Variants in DTX3L observed in about 807,000 individuals in gnomAD.
The protein encoded by DTX3L is E3 ubiquitin-protein ligase DTX3L.
A neutral mutation model predicts 60.9 loss-of-function variants in DTX3L; 34 were observed. The ratio of observed to expected loss-of-function variants is 0.56; its 90% CI spans 0.42 to 0.74. The LOEUF (loss-of-function observed/expected upper bound fraction) is 0.74, where lower values mean the gene tolerates loss of function less well. DTX3L is among the 30% of genes least tolerant of loss of function. The probability of loss-of-function intolerance (pLI) is 0.00; values close to 1 mark genes in which losing one functional copy is unlikely to be tolerated. For synonymous variants in DTX3L, 290 were observed against 316.6 expected, an observed-to-expected ratio of 0.92 and a Z score of 0.89; for missense variants, 810 against 874.0, an observed-to-expected ratio of 0.93 and a Z score of 0.92.
chr3:122,567,213 A>G (rs948103909), intron 2 of DTX3L, among the ~76,000 whole-genome samples: 1 of 152,168 alleles, frequency 6.6e-6, no homozygotes, highest in Non-Finnish European at 1.5e-5. Context: ...TTTTTAACTT[A>G]AAATGTTAGG....
At chr3:122,567,084 C>T (rs2080597894) in intron 2 of DTX3L, among the ~76,000 whole-genome samples, 1 of 151,926 alleles carries the variant, frequency 6.6e-6, no homozygotes, top group Admixed American at 6.6e-5. Flanking sequence ...ATTTTGAGGC[C>T]CAGAAGCTTT....
chr3:122,569,710 C>A lies in DTX3L; in HGVS notation c.1621C>A (p.Pro541Thr). 1 of 1,614,150 alleles carries A rather than the reference C, an allele frequency of 6.2e-7. No homozygotes were observed. The highest frequency in any genetic ancestry group is 1.3e-5 in the African/African-American group (1 of 75,030). ...CGATGATTCCAAAGCAGCTTCTCCG[C>A]CACTCAAGGGCTCTGTGAGTTCTGA... The part of the protein sequence containing the change: ...DSDDSKAASP[P>T]LKGSVSSEAS... The change falls in exon 3 of 5, where the codon CCA becomes ACA. Residue 541 changes from proline to threonine, a missense_variant. Transcript: ENST00000296161.
At position 122,564,403 on chromosome 3, in the gene DTX3L, C is replaced by T; in HGVS notation, c.-24C>T. The T allele has an allele frequency of 6.3e-7, 1 of 1,594,346 alleles. No homozygotes were observed. Among genetic ancestry groups the T allele is most frequent in the East Asian group, 2.3e-5 (1 of 44,028 alleles). ...CCGCCCAGCTGCCTCCCGGAGCCCC[C>T]GCGCCCTCCCGACGCGCAGAGCCAT... On this transcript the variant is annotated 5_prime_UTR_variant, in exon 1 of 5. Transcript: ENST00000296161.
At chr3:122,570,221 CAG>C in intron 3 of DTX3L, 197 bp downstream of exon 3, 2 of 750,504 alleles carry the variant, frequency 2.7e-6, no homozygotes, top group Non-Finnish European at 4.3e-6. Context: ...TTTCTTAAGA[CAG>C]AGAAAGGGTG....
intron 4 of DTX3L, among the ~76,000 whole-genome samples, chr3:122,571,255 G>GC (rs62957662): frequency 0.22 from 32,948 of 151,892 alleles, 3,655 homozygotes; most frequent in East Asian, 0.26. Flanking sequence ...TGATTACGAT[G>GC]CCCCCCTAAA....
At position 122,572,090 on chromosome 3, in the gene DTX3L, T is replaced by A. The variant is rs1363866127; in HGVS notation, c.*343T>A. 1 of 183,762 alleles carries A rather than the reference T, an allele frequency of 5.4e-6. No homozygotes were observed. Among genetic ancestry groups the A allele is most frequent in the Non-Finnish European group, 1.2e-5 (1 of 85,432 alleles). 11.4% of individuals were successfully genotyped at this position (183,762 alleles called of 1,614,324 possible). On this transcript the variant is annotated 3_prime_UTR_variant, in exon 5 of 5. Coordinates refer to ENST00000296161, the MANE Select transcript of DTX3L (RefSeq NM_138287.3). ...TGCCCGGCTAATTTTTGTTTTTGTATTTTTAGTAGAGACAGGGTTTCACTG... is the reference window on the plus strand; with the variant it reads ...TGCCCGGCTAATTTTTGTTTTTGTAATTTTAGTAGAGACAGGGTTTCACTG...
At chr3:122,566,143 C>A in intron 2 of DTX3L, 73 bp downstream of exon 2, 1 of 1,387,968 alleles carries the variant, frequency 7.2e-7, no homozygotes, top group Non-Finnish European at 1.0e-6. Flanking sequence ...ATTATTGATC[C>A]AACACCCATG....
At position 122,571,720 on chromosome 3, in the gene DTX3L, G is replaced by C. The variant is rs567182339; in HGVS notation, c.2196G>C (p.Glu732Asp). The C allele has an allele frequency of 1.9e-6, 3 of 1,613,160 alleles. No individual in the cohort carries two copies. The African/African-American group carries it at 4.0e-5, about 22-fold the overall frequency. ...PDPSYLKRVK[E>D]ELKAKGIE The stretch of plus-strand genomic sequence containing the variant: ...CTTCTTACCTGAAACGTGTCAAAGA[G>C]GAGCTGAAAGCCAAAGGAATTGAGT... Residue 732 changes from glutamate to aspartate, a missense_variant, in exon 5 of 5, where the codon GAG (glutamate) becomes GAC (aspartate). Transcript: ENST00000296161.
Position 122,569,168 on chromosome 3 carries a change from C to T in DTX3L, c.1079C>T (p.Ala360Val). Reference protein sequence around the residue: ...ISAAKQKISEAFVKIPVKLFA... With the variant: ...ISAAKQKISEVFVKIPVKLFA... ...GCTGCCAAACAAAAAATCTCTGAAG[C>T]TTTTGTCAAGATACCTGTGAAACTA... Residue 360 changes from alanine to valine, a missense_variant, in exon 3 of 5, where the codon GCT becomes GTT. Transcript: ENST00000296161. 5.6e-6 allele frequency: 9 copies of T among 1,614,164 alleles called. No individual in the cohort carries two copies. Among genetic ancestry groups the T allele is most frequent in the Non-Finnish European group, 6.8e-6 (8 of 1,180,032 alleles).
chr3:122,570,308 A>T, intron 3 of DTX3L, 147 bp from the exon 4 acceptor site: 3 of 850,066 alleles, frequency 3.5e-6, no homozygotes, highest in Non-Finnish European at 5.4e-6. Context: ...AGGAAAGAGG[A>T]GAAATATGAG....
Position 122,570,472 on chromosome 3 carries a change from A to G in DTX3L, c.1953A>G (p.Pro651=), listed in dbSNP as rs376100546. Residue 651 remains proline, a synonymous_variant, in exon 4 of 5, where the codon CCA becomes CCG. Coordinates refer to ENST00000296161, the MANE Select transcript of DTX3L (RefSeq NM_138287.3). The part of the protein sequence containing the change: ...AGIQTEEHPN[P]GKRYPGIQRT... The stretch of plus-strand genomic sequence containing the variant: ...TCACACAGGAAGAACACCCAAACCC[A>G]GGAAAGAGATACCCTGGAATACAGC... 19 of 1,614,054 alleles carry G rather than the reference A, an allele frequency of 1.2e-5. No individual in the cohort carries two copies. The African/African-American group carries it at 2.5e-4, about 22-fold the overall frequency.
rs574171729 is a variant in DTX3L, at chr3:122,570,387, C to T, written c.1936-68C>T. On this transcript the variant is annotated intron_variant, in intron 3 of 4. Transcript: ENST00000296161. ...GATTTGCTTTATCTACAAATGAACA[C>T]ATCTATACCTATAGTAAAAATTAGA... 52 of 1,476,078 alleles carry T rather than the reference C, an allele frequency of 3.5e-5. 1 individual carries two copies. The East Asian group carries it at 8.1e-4, about 23-fold the overall frequency. The allele number at this position is 1,476,078 out of a possible 1,614,324, so 91.4% of individuals were successfully genotyped here. A position where few individuals can be genotyped will look rare whatever the true frequency, so the allele number is the denominator to read the frequency against.
chr3:122,571,426 A>G (rs567922335), intron 4 of DTX3L, among the ~76,000 whole-genome samples: 1 of 152,324 alleles, frequency 6.6e-6, no homozygotes, highest in East Asian at 1.9e-4. Context: ...TAATAAATAC[A>G]TCATATTAAT....
At chr3:122,571,454 G>T (rs2080645143) in intron 4 of DTX3L, among the ~76,000 whole-genome samples, 1 of 152,206 alleles carries the variant, frequency 6.6e-6, no homozygotes, top group South Asian at 2.1e-4. Context: ...AGTTGGCAGG[G>T]TAGAAGCCAG....
intron 2 of DTX3L, among the ~76,000 whole-genome samples, chr3:122,568,038 G>A (rs950624500): frequency 2.0e-5 from 3 of 152,156 alleles, no homozygotes; most frequent in Non-Finnish European, 4.4e-5. Flanking sequence ...GACCAGGCAC[G>A]GTGGCACATG....
intron 2 of DTX3L, among the ~76,000 whole-genome samples, chr3:122,566,693 A>G (rs1017939412): frequency 6.6e-6 from 1 of 152,120 alleles, no homozygotes; most frequent in Non-Finnish European, 1.5e-5. Flanking sequence ...AATCAGAGAC[A>G]ACTTGACTGA....
rs1263496115 is a variant in DTX3L at position 122,572,425 on chromosome 3, A to G, written c.*678A>G. ...TGGTTTTTTGTGTGTTTTCCCCTTCATCTCTACCTGTGAAAGTGAAATTCT... is the reference window on the plus strand; with the variant it reads ...TGGTTTTTTGTGTGTTTTCCCCTTCGTCTCTACCTGTGAAAGTGAAATTCT... On this transcript the variant is annotated 3_prime_UTR_variant, in exon 5 of 5. Transcript: ENST00000296161. 1 of 151,918 alleles carries G rather than the reference A, an allele frequency of 6.6e-6. No individual in the cohort carries two copies. The highest frequency in any genetic ancestry group is 1.5e-5 in the Non-Finnish European group (1 of 68,020). The allele number at this position is 151,918 out of a possible 1,614,324, so 9.4% of individuals were successfully genotyped here.
chr3:122,564,965 T>C lies in DTX3L; in HGVS notation c.187+352T>C, dbSNP rs2332284. Among the ~76,000 whole-genome samples the C allele has an allele frequency of 9.0e-3, 1,369 of 152,360 alleles. 11 individuals are homozygous for C. The highest frequency in any genetic ancestry group is 0.016 in the South Asian group (75 of 4,830). On this transcript the variant is annotated intron_variant, in intron 1 of 4. Transcript: ENST00000296161. The stretch of plus-strand genomic sequence containing the variant: ...GATTCCACTTTTATGTTTTAAATAA[T>C]GGTTCCATTGTTCCATCCATGAACA...
At chr3:122,566,122 C>T (rs2080584504) in intron 2 of DTX3L, 52 bp downstream of exon 2, 1 of 1,511,950 alleles carries the variant, frequency 6.6e-7, no homozygotes, top group Non-Finnish European at 9.2e-7. Flanking sequence ...CTCCAGTCAC[C>T]AGCCTCATGT....
Sources: allele counts gnomAD v4.1 joint callset (sites outside exome capture counted in the v4.1 genomes callset), GRCh38; gene constraint gnomAD v4.1.1; transcripts MANE v1.5; gene names NCBI Gene and HGNC (gene_info 2026-07-23, HGNC 2026-07-21).